Variants in PALM2AKAP2 observed in about 807,000 individuals in gnomAD.
The protein encoded by PALM2AKAP2 is PALM2 and AKAP2 fusion.
In PALM2AKAP2, 37 loss-of-function variants were observed where a neutral mutation model predicts 71.5. The observed-to-expected ratio is 0.52, with a 90% CI of 0.40 to 0.68. PALM2AKAP2 has a LOEUF of 0.68. PALM2AKAP2 is among the 30% of genes least tolerant of loss of function. PALM2AKAP2 has a pLI of 0.00. For missense variants in PALM2AKAP2, 1,224 were observed against 1,191.8 expected (o/e 1.03, Z -0.40); for synonymous variants, 468 against 478.8 (o/e 0.98, Z 0.29).
intron 1 of PALM2AKAP2, among the ~76,000 whole-genome samples, chr9:109,715,993 T>C (rs947983545): frequency 6.6e-6 from 1 of 152,200 alleles, no homozygotes; most frequent in African/African-American, 2.4e-5. Flanking sequence ...GTAGAACATT[T>C]AGCATCTGCA....
chr9:110,027,570 G>A (rs1381570144), intron 7 of PALM2AKAP2, among the ~76,000 whole-genome samples: 1 of 152,204 alleles, frequency 6.6e-6, no homozygotes, highest in Non-Finnish European at 1.5e-5. Context: ...AAGGTTGGTA[G>A]CCCTTAGGCA....
chr9:109,690,868 A>G (rs1827872844), intron 1 of PALM2AKAP2, among the ~76,000 whole-genome samples: 1 of 152,150 alleles, frequency 6.6e-6, no homozygotes, highest in Non-Finnish European at 1.5e-5. Flanking sequence ...TGTGACAGCA[A>G]TTCTGCTTGT....
chr9:109,997,679 G>C (rs1564251600), intron 6 of PALM2AKAP2, among the ~76,000 whole-genome samples: 2 of 152,234 alleles, frequency 1.3e-5, no homozygotes, highest in African/African-American at 4.8e-5. Flanking sequence ...TCTCCTAAGA[G>C]AGAGCAGAAG....
intron 1 of PALM2AKAP2, among the ~76,000 whole-genome samples, chr9:109,774,770 T>C (rs1829326008): frequency 6.6e-6 from 1 of 152,192 alleles, no homozygotes; most frequent in Admixed American, 6.5e-5. Flanking sequence ...TGATCAAGAT[T>C]ACCATTTCCA....
chr9:110,165,576 A>G (rs992615090), intron 3 of PALM2AKAP2, among the ~76,000 whole-genome samples: 3 of 152,164 alleles, frequency 2.0e-5, no homozygotes, highest in Non-Finnish European at 2.9e-5. Flanking sequence ...TGATTGTATG[A>G]CCATGGTAAA....
At chr9:110,035,816 TA>T (rs1023906550) in intron 7 of PALM2AKAP2, among the ~76,000 whole-genome samples, 3 of 146,568 alleles carry the variant, frequency 2.0e-5, no homozygotes, top group Non-Finnish European at 4.5e-5. Flanking sequence ...ATGTAACATA[TA>T]TATGATATGT....
At chr9:109,691,206 T>C (rs866318164) in intron 1 of PALM2AKAP2, among the ~76,000 whole-genome samples, 26 of 88,798 alleles carry the variant, frequency 2.9e-4, no homozygotes, top group East Asian at 2.4e-3. Context: ...CACACACACA[T>C]GCACACACAG....
chr9:110,095,655 G>A (rs1354118070), intron 1 of PALM2AKAP2, among the ~76,000 whole-genome samples: 1 of 152,108 alleles, frequency 6.6e-6, no homozygotes, highest in Non-Finnish European at 1.5e-5. Flanking sequence ...AGGAGACGGG[G>A]AAGAAGACCG....
intron 1 of PALM2AKAP2, chr9:109,640,902 C>A: frequency 6.6e-7 from 1 of 1,506,496 alleles, no homozygotes; most frequent in East Asian, 2.6e-5. Context: ...AGCTGCTCTC[C>A]TCTCGGCATG....
intron 1 of PALM2AKAP2, among the ~76,000 whole-genome samples, chr9:109,834,751 G>A (rs762554441): frequency 9.9e-5 from 15 of 152,116 alleles, no homozygotes; most frequent in Admixed American, 3.9e-4. Flanking sequence ...CAGAACAACC[G>A]ACGTTTCAGC....
chr9:110,063,723 C>T lies in PALM2AKAP2; in HGVS notation c.156+14868C>T, dbSNP rs901708483. Among the ~76,000 whole-genome samples, 5 of 152,250 alleles carry T rather than the reference C, an allele frequency of 3.3e-5. No homozygotes were observed. In the South Asian group the frequency reaches 8.3e-4, roughly 25 times the overall value. The stretch of plus-strand genomic sequence containing the variant: ...CCTCCCAAACTGCTGGGATTACAGG[C>T]GTGAGCCACCACGCTTGGCTCAAAT... On this transcript the variant is annotated intron_variant, in intron 1 of 3. Transcript: ENST00000374525.
intron 7 of PALM2AKAP2, among the ~76,000 whole-genome samples, chr9:110,018,298 A>G (rs1833017337): frequency 6.6e-6 from 1 of 152,180 alleles, no homozygotes. Context: ...TAAATACCAT[A>G]CACTTTAAAT....
chr9:110,116,392 A>G (rs1002120589), intron 1 of PALM2AKAP2, among the ~76,000 whole-genome samples: 5 of 151,282 alleles, frequency 3.3e-5, no homozygotes, highest in Non-Finnish European at 2.9e-5. Flanking sequence ...GTGTGTGCGC[A>G]TGTGTGTGCG....
intron 2 of PALM2AKAP2, among the ~76,000 whole-genome samples, chr9:110,146,900 A>G (rs1836187225): frequency 6.6e-6 from 1 of 152,190 alleles, no homozygotes; most frequent in African/African-American, 2.4e-5. Context: ...AGGGTTCCCA[A>G]AATGTGTGTG....
At chr9:110,073,181 GA>G (rs1834244592) in intron 1 of PALM2AKAP2, among the ~76,000 whole-genome samples, 1 of 152,202 alleles carries the variant, frequency 6.6e-6, no homozygotes, top group African/African-American at 2.4e-5. Flanking sequence ...GCGAAGCCCT[GA>G]AGCCTCTGTC....
intron 3 of PALM2AKAP2, among the ~76,000 whole-genome samples, chr9:110,166,950 T>TAATG (rs1214652161): frequency 6.6e-6 from 1 of 152,176 alleles, no homozygotes; most frequent in Non-Finnish European, 1.5e-5. Flanking sequence ...AAAAGAGGTT[T>TAATG]AATGGACTCA....
intron 6 of PALM2AKAP2, among the ~76,000 whole-genome samples, chr9:109,969,247 G>A (rs1173978253): frequency 6.6e-6 from 1 of 152,204 alleles, no homozygotes; most frequent in African/African-American, 2.4e-5. Flanking sequence ...ACAGCTGCTG[G>A]TCTGGGCCAA....
At chr9:109,929,169 G>GTT (rs35064231) in intron 5 of PALM2AKAP2, among the ~76,000 whole-genome samples, 9,151 of 137,002 alleles carry the variant, frequency 0.067, 648 homozygotes, top group East Asian at 0.37. Flanking sequence ...TCTGTAAGTA[G>GTT]TTTTTTTTTT....
chr9:109,718,445 C>T (rs1828360736), intron 1 of PALM2AKAP2, among the ~76,000 whole-genome samples: 1 of 152,184 alleles, frequency 6.6e-6, no homozygotes. Context: ...TTCTATAAGG[C>T]ATTCCTTACT....
Sources: gnomAD v4.1 joint callset for allele counts (sites outside exome capture counted in the v4.1 genomes callset) on GRCh38, gnomAD v4.1.1 for gene constraint, MANE v1.5 for transcripts, NCBI Gene and HGNC (gene_info 2026-07-23, HGNC 2026-07-21) for gene names.